AEBP2: variants seen among roughly 807,000 people sequenced by gnomAD.
AEBP2 encodes zinc finger protein AEBP2.
Under a neutral mutation model 50.8 loss-of-function variants are expected in AEBP2, and 10 were observed. The observed-to-expected ratio is 0.20, with a 90% CI of 0.12 to 0.33. The LOEUF (loss-of-function observed/expected upper bound fraction) is 0.33. AEBP2 is among the 10% of genes least tolerant of loss of function. The pLI is 1.00. For missense variants in AEBP2, 570 were observed against 688.0 expected (o/e 0.83, Z 1.92); for synonymous variants, 296 against 261.3 (o/e 1.13, Z -1.28).
chr12:19,449,532 C>G (rs1948129863), intron 1 of AEBP2, among the ~76,000 whole-genome samples: 1 of 152,168 alleles, frequency 6.6e-6, no homozygotes, highest in Non-Finnish European at 1.5e-5. Flanking sequence ...TTTCCATAGA[C>G]TATATTTCAT....
chr12:19,454,994 G>T (rs565871960), intron 1 of AEBP2, among the ~76,000 whole-genome samples: 1 of 151,862 alleles, frequency 6.6e-6, no homozygotes, highest in African/African-American at 2.4e-5. Context: ...AAGCTTTGGT[G>T]GTTCTCAGAT....
chr12:19,502,362 G>A (rs1291822044), intron 5 of AEBP2, among the ~76,000 whole-genome samples: 1 of 152,050 alleles, frequency 6.6e-6, no homozygotes, highest in African/African-American at 2.4e-5. Flanking sequence ...TTGAACTCCT[G>A]ACCTCAAGTG....
chr12:19,499,415 C>G (rs1413087974), intron 4 of AEBP2, among the ~76,000 whole-genome samples: 1 of 152,078 alleles, frequency 6.6e-6, no homozygotes, highest in East Asian at 1.9e-4. Context: ...GAGTTCAAGA[C>G]CAGCCCAGCC....
chr12:19,449,941 T>C (rs1948137905), intron 1 of AEBP2, among the ~76,000 whole-genome samples: 3 of 152,166 alleles, frequency 2.0e-5, no homozygotes, highest in Non-Finnish European at 4.4e-5. Flanking sequence ...AACTGGATCA[T>C]ATGGGAGCAG....
At chr12:19,497,327 T>G (rs1948998702) in intron 4 of AEBP2, among the ~76,000 whole-genome samples, 1 of 91,204 alleles carries the variant, frequency 1.1e-5, no homozygotes, top group African/African-American at 4.3e-5. Context: ...TTTCCAAAGG[T>G]GTTTTTTTTT....
chr12:19,416,051 G>A (rs1474658127), intron 1 of AEBP2, among the ~76,000 whole-genome samples: 1 of 152,144 alleles, frequency 6.6e-6, no homozygotes, highest in East Asian at 1.9e-4. Context: ...GCATGGTGGT[G>A]CGTGCCTGTG....
chr12:19,439,894 GGGCGGCGGA>G lies in AEBP2; in HGVS notation c.204_212del (p.Gly71_Gly73del), dbSNP rs759926612. 2.0e-4 allele frequency: 296 copies of G among 1,489,696 alleles called. No individual in the cohort carries two copies. The highest frequency in any genetic ancestry group is 3.7e-4 in the Admixed American group (17 of 45,416). The allele number at this position is 1,489,696 out of a possible 1,614,324, so 92.3% of individuals were successfully genotyped here. A position where few individuals can be genotyped will look rare whatever the true frequency, so the allele number is the denominator to read the frequency against. ...TGCTGCTGAACGGCGGCAGCGGTGGGGGCGGCGGAGGCGGCGGCGGAGGAGTGGGGGGCG... is the reference window on the plus strand; with the variant it reads ...TGCTGCTGAACGGCGGCAGCGGTGGGGGCGGCGGCGGAGGAGTGGGGGGCG... On this transcript the variant is annotated inframe_deletion, in exon 1 of 8. Transcript: ENST00000266508.
chr12:19,496,183 G>A (rs879796337), intron 4 of AEBP2, among the ~76,000 whole-genome samples: 22 of 152,174 alleles, frequency 1.4e-4, no homozygotes, highest in Non-Finnish European at 2.1e-4. Flanking sequence ...AGAGAAGAGA[G>A]ATTCAGTTAA....
chr12:19,456,481 T>C, intron 1 of AEBP2: 2 of 1,488,140 alleles, frequency 1.3e-6, no homozygotes, highest in South Asian at 1.1e-5. Context: ...TCCAGCTTTT[T>C]ACCAACATGG....
intron 1 of AEBP2, chr12:19,456,908 T>A: frequency 6.9e-7 from 1 of 1,444,908 alleles, no homozygotes; most frequent in Non-Finnish European, 9.7e-7. Flanking sequence ...AGGGGCTTGT[T>A]AGTTGGATGA....
At chr12:19,411,436 A>G (rs559103060) in intron 1 of AEBP2, among the ~76,000 whole-genome samples, 1 of 152,332 alleles carries the variant, frequency 6.6e-6, no homozygotes, top group South Asian at 2.1e-4. Context: ...CTGAAAATGC[A>G]GAGAGAATTT....
chr12:19,515,926 C>G (rs945028197), intron 7 of AEBP2, among the ~76,000 whole-genome samples: 1 of 152,114 alleles, frequency 6.6e-6, no homozygotes, highest in East Asian at 1.9e-4. Flanking sequence ...ATAGTGAGAC[C>G]CTGTCTCTAC....
At chr12:19,410,000 A>C (rs1211352149) in intron 1 of AEBP2, among the ~76,000 whole-genome samples, 1 of 152,146 alleles carries the variant, frequency 6.6e-6, no homozygotes, top group East Asian at 1.9e-4. Context: ...TGCTCCAGGG[A>C]CCTGATTTCA....
At chr12:19,514,881 T>A in intron 7 of AEBP2, 97 bp downstream of exon 7, 1 of 862,980 alleles carries the variant, frequency 1.2e-6, no homozygotes, top group Non-Finnish European at 1.8e-6. Flanking sequence ...GTGCTGAATT[T>A]TAATACCAAG....
At position 19,487,728 on chromosome 12, in the gene AEBP2, G is replaced by GA. The variant is rs984532028; in HGVS notation, c.988-6063dup. ...GAGACCCCACCTTAAAAAACATAAA[G>GA]AAAAAAAAAGAGTGAAAAAAGGGAG... On this transcript the variant is annotated intron_variant, in intron 3 of 7. Transcript: ENST00000266508. 8.3e-4 allele frequency among the ~76,000 whole-genome samples: 124 copies of GA among 148,742 alleles called. 1 individual carries two copies. The highest frequency in any genetic ancestry group is 2.1e-4 in the Non-Finnish European group (14 of 66,962).
chr12:19,470,091 C>T (rs998245360), intron 2 of AEBP2, among the ~76,000 whole-genome samples: 2 of 151,854 alleles, frequency 1.3e-5, no homozygotes, highest in Admixed American at 6.6e-5. Flanking sequence ...ATCAAAACGT[C>T]GTCCTAATAC....
chr12:19,467,382 C>T (rs1407611317), intron 2 of AEBP2, among the ~76,000 whole-genome samples: 1 of 152,202 alleles, frequency 6.6e-6, no homozygotes, highest in Non-Finnish European at 1.5e-5. Context: ...CAACCTCCAC[C>T]TCCCAGGTTC....
chr12:19,443,432 A>G (rs1367095386), intron 1 of AEBP2, among the ~76,000 whole-genome samples: 1 of 151,432 alleles, frequency 6.6e-6, no homozygotes, highest in African/African-American at 2.4e-5. Context: ...TTAAAAAGAT[A>G]ATTAGGCCGG....
At chr12:19,418,120 T>A (rs1029323543) in intron 1 of AEBP2, among the ~76,000 whole-genome samples, 1 of 152,200 alleles carries the variant, frequency 6.6e-6, no homozygotes, top group Admixed American at 6.5e-5. Flanking sequence ...CCATCTGTTG[T>A]CTCTAAGGGT....
Sources: allele counts gnomAD v4.1 joint callset (sites outside exome capture counted in the v4.1 genomes callset), GRCh38; gene constraint gnomAD v4.1.1; transcripts MANE v1.5; gene names NCBI Gene and HGNC (gene_info 2026-07-23, HGNC 2026-07-21).